GLCCI1: variants seen among roughly 807,000 people sequenced by gnomAD.
The protein encoded by GLCCI1 is glucocorticoid induced 1.
GLCCI1 carries 24 observed loss-of-function variants against 52.2 expected under a neutral mutation model. The ratio of observed to expected loss-of-function variants is 0.46; its 90% CI spans 0.33 to 0.65. The LOEUF is 0.65. Among genes scored for constraint, GLCCI1 ranks in the 30% least tolerant of loss-of-function variants. The pLI, the probability that GLCCI1 is intolerant of heterozygous loss-of-function variation, is 0.02. For missense variants in GLCCI1, 704 were observed against 701.5 expected, an observed-to-expected ratio of 1.00 and a Z score of -0.04; for synonymous variants, 310 against 276.5, an observed-to-expected ratio of 1.12 and a Z score of -1.20.
At chr7:8,052,800 G>T (rs964435191) in intron 3 of GLCCI1, among the ~76,000 whole-genome samples, 2 of 152,068 alleles carry the variant, frequency 1.3e-5, no homozygotes, top group African/African-American at 4.8e-5. Context: ...CTGGTTTTAG[G>T]CTTGCTCCTT....
intron 1 of GLCCI1, among the ~76,000 whole-genome samples, chr7:7,985,676 T>G (rs1468179266): frequency 1.3e-5 from 2 of 152,220 alleles, no homozygotes; most frequent in Non-Finnish European, 1.5e-5. Context: ...TTGACTGAAC[T>G]GTTTACCTCA....
At chr7:8,045,325 C>G (rs1206776004) in intron 3 of GLCCI1, among the ~76,000 whole-genome samples, 1 of 152,036 alleles carries the variant, frequency 6.6e-6, no homozygotes, top group Non-Finnish European at 1.5e-5. Flanking sequence ...TTAGATACGG[C>G]AACATATTTG....
chr7:8,035,079 A>G (rs1422478034), intron 3 of GLCCI1, among the ~76,000 whole-genome samples: 2 of 152,116 alleles, frequency 1.3e-5, no homozygotes. Flanking sequence ...TCCCATACAG[A>G]CATTCCCTGG....
At chr7:8,035,632 G>A (rs1781850572) in intron 3 of GLCCI1, among the ~76,000 whole-genome samples, 1 of 152,308 alleles carries the variant, frequency 6.6e-6, no homozygotes, top group African/African-American at 2.4e-5. Context: ...GTTTTAGGCT[G>A]AAGACAGGTT....
intron 2 of GLCCI1, among the ~76,000 whole-genome samples, chr7:8,017,438 T>A (rs895860757): frequency 2.1e-4 from 32 of 152,184 alleles, no homozygotes; most frequent in African/African-American, 7.7e-4. Context: ...TTAGAATCCA[T>A]CAGAATAATC....
chr7:8,084,247 T>G (rs561548993), intron 6 of GLCCI1, among the ~76,000 whole-genome samples: 1 of 152,260 alleles, frequency 6.6e-6, no homozygotes, highest in East Asian at 1.9e-4. Context: ...GGAAAACGTG[T>G]TAGGTAGAGA....
chr7:7,989,664 G>A (rs1040972934), intron 1 of GLCCI1, among the ~76,000 whole-genome samples: 1 of 152,040 alleles, frequency 6.6e-6, no homozygotes, highest in Non-Finnish European at 1.5e-5. Flanking sequence ...AAAGGCTAAG[G>A]AGACCACTTG....
intron 1 of GLCCI1, among the ~76,000 whole-genome samples, chr7:7,995,472 T>C (rs1351616945): frequency 6.6e-6 from 1 of 152,198 alleles, no homozygotes; most frequent in African/African-American, 2.4e-5. Flanking sequence ...ATCGTGCCAC[T>C]GCACTCTAGT....
intron 1 of GLCCI1, among the ~76,000 whole-genome samples, chr7:7,983,390 A>T (rs1780662433): frequency 6.6e-6 from 1 of 152,154 alleles, no homozygotes; most frequent in Non-Finnish European, 1.5e-5. Flanking sequence ...TGAATCTTTG[A>T]TTATTTGACC....
chr7:8,083,051 G>T (rs1044455858), intron 6 of GLCCI1, among the ~76,000 whole-genome samples: 4 of 152,174 alleles, frequency 2.6e-5, no homozygotes, highest in Admixed American at 2.0e-4. Flanking sequence ...CTTGTGCCGT[G>T]TAGGCTAAGT....
chr7:8,076,790 C>A (rs1782884846), intron 6 of GLCCI1, among the ~76,000 whole-genome samples: 1 of 152,132 alleles, frequency 6.6e-6, no homozygotes, highest in Non-Finnish European at 1.5e-5. Flanking sequence ...GCTTTACTCT[C>A]AGTGAATAAA....
At chr7:7,979,393 T>C (rs1168120291) in intron 1 of GLCCI1, among the ~76,000 whole-genome samples, 1 of 152,170 alleles carries the variant, frequency 6.6e-6, no homozygotes, top group Admixed American at 6.6e-5. Flanking sequence ...AAATATGCTA[T>C]TGTCACTGAG....
At chr7:8,052,044 G>A (rs576885976) in intron 3 of GLCCI1, among the ~76,000 whole-genome samples, 2 of 152,232 alleles carry the variant, frequency 1.3e-5, no homozygotes, top group South Asian at 4.2e-4. Context: ...TACCCTATAG[G>A]TCACCTTTGT....
intron 4 of GLCCI1, chr7:8,055,765 G>A (rs558198635): frequency 1.1e-4 from 38 of 342,670 alleles, no homozygotes; most frequent in African/African-American, 6.5e-4. Context: ...CGAGGCGGGC[G>A]GATCACGAGG....
At chr7:8,064,625 G>C (rs1345341043) in intron 5 of GLCCI1, among the ~76,000 whole-genome samples, 1 of 152,152 alleles carries the variant, frequency 6.6e-6, no homozygotes, top group Non-Finnish European at 1.5e-5. Flanking sequence ...AGATTTTTCT[G>C]ATTCTGTGAG....
At chr7:8,068,739 C>T (rs1441515361) in intron 5 of GLCCI1, among the ~76,000 whole-genome samples, 1 of 152,174 alleles carries the variant, frequency 6.6e-6, no homozygotes, top group Non-Finnish European at 1.5e-5. Context: ...AGTTCTTGCA[C>T]TGGTTCTTTC....
At chr7:8,022,966 A>G (rs2127948848) in intron 3 of GLCCI1, among the ~76,000 whole-genome samples, 1 of 152,360 alleles carries the variant, frequency 6.6e-6, no homozygotes. Flanking sequence ...TGTAGCAACC[A>G]GAGCTATAGG....
intron 5 of GLCCI1, among the ~76,000 whole-genome samples, chr7:8,069,311 A>G (rs762491895): frequency 2.6e-5 from 4 of 151,850 alleles, no homozygotes; most frequent in Non-Finnish European, 4.4e-5. Flanking sequence ...ATCCTGGGGG[A>G]GACAGACTGA....
intron 5 of GLCCI1, 154 bp from the exon 6 acceptor site, chr7:8,070,767 A>C (rs16872488): frequency 0.081 from 51,002 of 631,826 alleles, 3,110 homozygotes; most frequent in East Asian, 0.23. Flanking sequence ...ACATACGCAG[A>C]AATTAGCTTA....
Sources: gnomAD v4.1 joint callset for allele counts (sites outside exome capture counted in the v4.1 genomes callset) on GRCh38, gnomAD v4.1.1 for gene constraint, MANE v1.5 for transcripts, NCBI Gene and HGNC (gene_info 2026-07-23, HGNC 2026-07-21) for gene names.